CEBPD: variants seen among roughly 807,000 people sequenced by gnomAD.
The protein encoded by CEBPD is CCAAT/enhancer-binding protein delta.
For synonymous variants in CEBPD, 227 were observed against 194.8 expected, an observed-to-expected ratio of 1.17 and a Z score of -1.38; for missense variants, 410 against 409.4, an observed-to-expected ratio of 1.00 and a Z score of -0.01.
In CEBPD at chr8:47,737,653, G is replaced by C; in HGVS notation, c.468C>G (p.Thr156=). The C allele has an allele frequency of 7.9e-7, 1 of 1,268,632 alleles. No homozygotes were observed. The highest frequency in any genetic ancestry group is 9.9e-7 in the Non-Finnish European group (1 of 1,012,800). The allele number at this position is 1,268,632 out of a possible 1,614,324, so 78.6% of individuals were successfully genotyped here. A position where few individuals can be genotyped will look rare whatever the true frequency, so the allele number is the denominator to read the frequency against. ...VVSLAAAGQP[T]PPTSPEPPRS... ...GCGGCGGCTCCGGCGACGTGGGCGG[G>C]GTGGGCTGCCCTGCGGCCGCCAAGC... The change falls in exon 1 of 1, where the codon ACC becomes ACG. Residue 156 remains threonine, a synonymous_variant. Coordinates refer to ENST00000408965, the MANE Select transcript of CEBPD (RefSeq NM_005195.4).
Position 47,737,865 on chromosome 8 carries a change from A to G in CEBPD, c.256T>C (p.Phe86Leu). The G allele has an allele frequency of 6.6e-7, 1 of 1,507,822 alleles. No individual in the cohort carries two copies. The highest frequency in any genetic ancestry group is 1.4e-5 in the African/African-American group (1 of 69,478). 93.4% of individuals were successfully genotyped at this position (1,507,822 alleles called of 1,614,324 possible). A position where few individuals can be genotyped will look rare whatever the true frequency, so the allele number is the denominator to read the frequency against. The change falls in exon 1 of 1, where the codon TTC (phenylalanine) becomes CTC (leucine). Residue 86 changes from phenylalanine (F) to leucine (L), a missense_variant. Physicochemically the swap from Phe to Leu is conservative, Grantham distance 22 (BLOSUM62 0). Transcript: ENST00000408965. ...LCHDELFADL[F>L]NSNHKAGGAG... ...CCGCCCGCCTTGTGATTGCTGTTGA[A>G]GAGGTCGGCGAAGAGCTCGTCGTGG... is the stretch of plus-strand genomic sequence containing the variant.
chr8:47,738,147 C>G lies in CEBPD; in HGVS notation c.-27G>C, dbSNP rs1392612833. ...GCGGCGTCGGGCCGGGCTCTGCGTC[C>G]AAGCGAGGCTGTCACCTCGCTGGGC... On this transcript the variant is annotated 5_prime_UTR_variant, in exon 1 of 1. Coordinates refer to ENST00000408965, the MANE Select transcript of CEBPD (RefSeq NM_005195.4). The surrounding 1 kb of genome is among the most constrained non-coding windows in gnomAD (Gnocchi z 4.1). 48 of 1,162,194 alleles carry G rather than the reference C, an allele frequency of 4.1e-5. No homozygotes were observed. The highest frequency in any genetic ancestry group is 1.9e-4 in the Admixed American group (4 of 21,418). 72.0% of individuals were successfully genotyped at this position (1,162,194 alleles called of 1,614,324 possible).
rs1442408595 is a variant in CEBPD, at chr8:47,737,798, G to A, written c.323C>T (p.Pro108Leu). Residue 108 changes from proline (P) to leucine (L), a missense_variant, in exon 1 of 1, where the codon CCC becomes CTC. Physicochemically the swap from Pro to Leu is moderately conservative, Grantham distance 98. Transcript: ENST00000408965. ...LELLPGGPAR[P>L]LGPGPAAPRL... The stretch of plus-strand genomic sequence containing the variant: ...GGGAGCGGCAGGGCCCGGGCCCAAG[G>A]GGCGCGCGGGGCCGCCGGGAAGAAG... 3 of 1,341,012 alleles carry A rather than the reference G, an allele frequency of 2.2e-6. No homozygotes were observed. The highest frequency in any genetic ancestry group is 3.1e-5 in the African/African-American group (2 of 64,890). The allele number at this position is 1,341,012 out of a possible 1,614,324, so 83.1% of individuals were successfully genotyped here.
chr8:47,737,602 C>G lies in CEBPD; in HGVS notation c.519G>C (p.Ala173=), dbSNP rs781551832. The G allele has an allele frequency of 6.9e-7, 1 of 1,457,180 alleles. No homozygotes were observed. Among genetic ancestry groups the G allele is most frequent in the Non-Finnish European group, 9.0e-7 (1 of 1,110,412 alleles). The allele number at this position is 1,457,180 out of a possible 1,614,324, so 90.3% of individuals were successfully genotyped here. A position where few individuals can be genotyped will look rare whatever the true frequency, so the allele number is the denominator to read the frequency against. ...CGCTCTTCTCCCGGGCGGGGCCGGG[C>G]GCGGGGGTCTGCCTGGGGCTGCTGC... ...PPRSSPRQTP[A]PGPAREKSAG... The change falls in exon 1 of 1, where the codon GCG becomes GCC. Residue 173 remains alanine, a synonymous_variant. Coordinates refer to ENST00000408965, the MANE Select transcript of CEBPD (RefSeq NM_005195.4).
In CEBPD at chr8:47,736,981, G is replaced by C. The variant is rs2086260645; in HGVS notation, c.*330C>G. On this transcript the variant is annotated 3_prime_UTR_variant, in exon 1 of 1. Transcript: ENST00000408965. ...TAATATAAAAAAGTGAGCATGCTCA[G>C]TCTTTTCCTCTTATCTACAATACAA... 2 of 300,618 alleles carry C rather than the reference G, an allele frequency of 6.7e-6. No individual in the cohort carries two copies. Among genetic ancestry groups the C allele is most frequent in the Non-Finnish European group, 6.0e-6 (1 of 165,398 alleles). The allele number at this position is 300,618 out of a possible 1,614,324, so 18.6% of individuals were successfully genotyped here.
Position 47,737,251 on chromosome 8 carries a change from T to A in CEBPD, c.*60A>T. 1 of 1,448,500 alleles carries A rather than the reference T, an allele frequency of 6.9e-7. No individual in the cohort carries two copies. The highest frequency in any genetic ancestry group is 9.2e-7 in the Non-Finnish European group (1 of 1,091,024). 89.7% of individuals were successfully genotyped at this position (1,448,500 alleles called of 1,614,324 possible). A position where few individuals can be genotyped will look rare whatever the true frequency, so the allele number is the denominator to read the frequency against. ...TGCGCCAGGGCAGGGCGCGCTCCGCTCCGGGCCGTCGGGTCTGAGGTATGG... is the reference window on the plus strand; with the variant it reads ...TGCGCCAGGGCAGGGCGCGCTCCGCACCGGGCCGTCGGGTCTGAGGTATGG... On this transcript the variant is annotated 3_prime_UTR_variant, in exon 1 of 1. Coordinates refer to ENST00000408965, the MANE Select transcript of CEBPD (RefSeq NM_005195.4).
In CEBPD at chr8:47,736,995, T is replaced by C. The variant is rs980922286; in HGVS notation, c.*316A>G. On this transcript the variant is annotated 3_prime_UTR_variant, in exon 1 of 1. Transcript: ENST00000408965. ...GAGCATGCTCAGTCTTTTCCTCTTA[T>C]CTACAATACAAAGGGTTTGTCTGAA... is the stretch of plus-strand genomic sequence containing the variant. The C allele has an allele frequency of 1.8e-5, 6 of 326,998 alleles. No homozygotes were observed. Among genetic ancestry groups the C allele is most frequent in the East Asian group, 4.8e-5 (1 of 20,690 alleles). The allele number at this position is 326,998 out of a possible 1,614,324, so 20.3% of individuals were successfully genotyped here.
chr8:47,738,023 G>A lies in CEBPD; in HGVS notation c.98C>T (p.Pro33Leu), dbSNP rs1445195276. 10 of 1,312,932 alleles carry A rather than the reference G, an allele frequency of 7.6e-6. No homozygotes were observed. Among genetic ancestry groups the A allele is most frequent in the East Asian group, 3.2e-5 (1 of 31,598 alleles). 81.3% of individuals were successfully genotyped at this position (1,312,932 alleles called of 1,614,324 possible). ...GGCCCCTGGCTCGGCCCCGCGGCCCGGCTTGCCCGCCCGGCCCGGTTCGTA... is the reference window on the plus strand; with the variant it reads ...GGCCCCTGGCTCGGCCCCGCGGCCCAGCTTGCCCGCCCGGCCCGGTTCGTA... ...PFYEPGRAGK[P>L]GRGAEPGALG... is the part of the protein sequence containing the mutation. Residue 33 changes from proline to leucine, a missense_variant, in exon 1 of 1, where the codon CCG (proline) becomes CTG (leucine). Pro to Leu is a moderately conservative substitution (Grantham distance 98, BLOSUM62 -3). Transcript: ENST00000408965. This position sits in a 1 kb window ranked among gnomAD's most constrained non-coding sequence, Gnocchi z 4.1.
At position 47,737,284 on chromosome 8, in the gene CEBPD, C is replaced by T; in HGVS notation, c.*27G>A. On this transcript the variant is annotated 3_prime_UTR_variant, in exon 1 of 1. Transcript: ENST00000408965. ...GTCGGGTCTGAGGTATGGGTCGTTGCTGAGTCTCTCCCGCCCCGGCCGCGC... is the reference window on the plus strand; with the variant it reads ...GTCGGGTCTGAGGTATGGGTCGTTGTTGAGTCTCTCCCGCCCCGGCCGCGC... 1.3e-6 allele frequency: 2 copies of T among 1,563,246 alleles called. No individual in the cohort carries two copies. Among genetic ancestry groups the T allele is most frequent in the Non-Finnish European group, 1.7e-6 (2 of 1,156,332 alleles).
chr8:47,737,277 G>A lies in CEBPD; in HGVS notation c.*34C>T, dbSNP rs1398029953. 2 of 1,551,872 alleles carry A rather than the reference G, an allele frequency of 1.3e-6. No individual in the cohort carries two copies. The highest frequency in any genetic ancestry group is 1.7e-6 in the Non-Finnish European group (2 of 1,149,506). The stretch of plus-strand genomic sequence containing the variant: ...CCGGGCCGTCGGGTCTGAGGTATGG[G>A]TCGTTGCTGAGTCTCTCCCGCCCCG... On this transcript the variant is annotated 3_prime_UTR_variant, in exon 1 of 1. Transcript: ENST00000408965.
rs1375037543 is a variant in CEBPD at position 47,737,561 on chromosome 8, G to A, written c.560C>T (p.Pro187Leu). The A allele has an allele frequency of 6.4e-7, 1 of 1,574,746 alleles. No individual in the cohort carries two copies. Among genetic ancestry groups the A allele is most frequent in the Admixed American group, 1.8e-5 (1 of 56,412 alleles). ...CCGGTACTCGGGGCTGCCGCGGTCC[G>A]GGCCCCTCTTGCCGGCGCTCTTCTC... ...AREKSAGKRG[P>L]DRGSPEYRQR... The change falls in exon 1 of 1, where the codon CCG (proline) becomes CTG (leucine). Residue 187 changes from proline to leucine, a missense_variant. By Grantham distance (98) the Pro-to-Leu change is moderately conservative (BLOSUM62 -3). Coordinates refer to ENST00000408965, the MANE Select transcript of CEBPD (RefSeq NM_005195.4).
rs2086265260 is a variant in CEBPD, at chr8:47,737,215, G to A, written c.*96C>T. ...CCCAAGAAACTGCAGCGGGCACCCG[G>A]CGGCTCTGGCTGCGCCAGGGCAGGG... is the stretch of plus-strand genomic sequence containing the variant. On this transcript the variant is annotated 3_prime_UTR_variant, in exon 1 of 1. Transcript: ENST00000408965. 2 of 1,158,864 alleles carry A rather than the reference G, an allele frequency of 1.7e-6. No individual in the cohort carries two copies. Among genetic ancestry groups the A allele is most frequent in the Non-Finnish European group, 2.4e-6 (2 of 849,492 alleles). 71.8% of individuals were successfully genotyped at this position (1,158,864 alleles called of 1,614,324 possible). A position where few individuals can be genotyped will look rare whatever the true frequency, so the allele number is the denominator to read the frequency against.
At position 47,737,782 on chromosome 8, in the gene CEBPD, A is replaced by AGGGCCCGGGCCCAAGGGGCGCGCG; in HGVS notation, c.315_338dup (p.Arg107_Ala114dup). On this transcript the variant is annotated inframe_insertion, in exon 1 of 1. Transcript: ENST00000408965. Reference sequence around the variant, plus strand: ...CGCGCTTGAGCAGGCGGGGAGCGGCAGGGCCCGGGCCCAAGGGGCGCGCGG... The same window carrying AGGGCCCGGGCCCAAGGGGCGCGCG: ...CGCGCTTGAGCAGGCGGGGAGCGGCAGGGCCCGGGCCCAAGGGGCGCGCGGGGCCCGGGCCCAAGGGGCGCGCGG... The AGGGCCCGGGCCCAAGGGGCGCGCG allele has an allele frequency of 3.9e-6, 5 of 1,288,262 alleles. No homozygotes were observed. Among genetic ancestry groups the AGGGCCCGGGCCCAAGGGGCGCGCG allele is most frequent in the Non-Finnish European group, 4.9e-6 (5 of 1,021,152 alleles). 79.8% of individuals were successfully genotyped at this position (1,288,262 alleles called of 1,614,324 possible).
Position 47,737,723 on chromosome 8 carries a change from G to A in CEBPD, c.398C>T (p.Ser133Leu). ...CGCGGCCACCTGCGCGGGCAACAGC[G>A]AGCCGGGCGCGTCGCCGTCGCCCCA... Reference protein sequence around the residue: ...PDWGDGDAPGSLLPAQVAACA... With the variant: ...PDWGDGDAPGLLLPAQVAACA... The change falls in exon 1 of 1, where the codon TCG becomes TTG. Residue 133 changes from serine to leucine, a missense_variant. Ser to Leu is a moderately radical substitution (Grantham distance 145). Transcript: ENST00000408965. 1 of 1,212,716 alleles carries A rather than the reference G, an allele frequency of 8.2e-7. No individual in the cohort carries two copies. Among genetic ancestry groups the A allele is most frequent in the Non-Finnish European group, 1.0e-6 (1 of 977,512 alleles). The allele number at this position is 1,212,716 out of a possible 1,614,324, so 75.1% of individuals were successfully genotyped here. A position where few individuals can be genotyped will look rare whatever the true frequency, so the allele number is the denominator to read the frequency against.
rs1202956802 is a variant in CEBPD, at chr8:47,737,729, G to T, written c.392C>A (p.Pro131His). The change falls in exon 1 of 1, where the codon CCC (proline) becomes CAC (histidine). Residue 131 changes from proline (P) to histidine (H), a missense_variant. By Grantham distance (77) the Pro-to-His change is moderately conservative (BLOSUM62 -2). Coordinates refer to ENST00000408965, the MANE Select transcript of CEBPD (RefSeq NM_005195.4). ...REPDWGDGDA[P>H]GSLLPAQVAA... Reference sequence around the variant, plus strand: ...CACCTGCGCGGGCAACAGCGAGCCGGGCGCGTCGCCGTCGCCCCAGTCGGG... The same window carrying T: ...CACCTGCGCGGGCAACAGCGAGCCGTGCGCGTCGCCGTCGCCCCAGTCGGG... 4 of 1,213,734 alleles carry T rather than the reference G, an allele frequency of 3.3e-6. No individual in the cohort carries two copies. The highest frequency in any genetic ancestry group is 4.1e-6 in the Non-Finnish European group (4 of 978,266). The allele number at this position is 1,213,734 out of a possible 1,614,324, so 75.2% of individuals were successfully genotyped here.
chr8:47,737,481 G>T lies in CEBPD; in HGVS notation c.640C>A (p.Arg214=), dbSNP rs779011097. 1 of 1,608,840 alleles carries T rather than the reference G, an allele frequency of 6.2e-7. No individual in the cohort carries two copies. Reference sequence around the variant, plus strand: ...TTCTGCTGCATCTCCTGGTTGCGCCGCTTGGCCTTGTCGCGGCTCTTGCGC... The same window carrying T: ...TTCTGCTGCATCTCCTGGTTGCGCCTCTTGGCCTTGTCGCGGCTCTTGCGC... ...AVRKSRDKAK[R]RNQEMQQKLV... is the part of the protein sequence containing the mutation. The change falls in exon 1 of 1, where the codon CGG becomes AGG. Residue 214 remains arginine (R), a synonymous_variant. Coordinates refer to ENST00000408965, the MANE Select transcript of CEBPD (RefSeq NM_005195.4).
At position 47,737,335 on chromosome 8, in the gene CEBPD, G is replaced by A. The variant is rs761441693; in HGVS notation, c.786C>T (p.Ala262=). 1.9e-6 allele frequency: 3 copies of A among 1,594,554 alleles called. No homozygotes were observed. Among genetic ancestry groups the A allele is most frequent in the East Asian group, 4.6e-5 (2 of 43,036 alleles). ...KQLPSPPFLP[A]AGTADCR is the part of the protein sequence containing the mutation. The stretch of plus-strand genomic sequence containing the variant: ...GTTACCGGCAGTCTGCTGTCCCGGC[G>A]GCCGGCAGGAAGGGCGGGCTGGGCA... The change falls in exon 1 of 1, where the codon GCC becomes GCT. Residue 262 remains alanine, a synonymous_variant. Transcript: ENST00000408965.
rs1487127184 is a variant in CEBPD, at chr8:47,737,743, GC to G, written c.377del (p.Gly126AlafsTer22). 1 of 1,218,300 alleles carries G rather than the reference GC, an allele frequency of 8.2e-7. No individual in the cohort carries two copies. Among genetic ancestry groups the G allele is most frequent in the Non-Finnish European group, 1.0e-6 (1 of 981,128 alleles). 75.5% of individuals were successfully genotyped at this position (1,218,300 alleles called of 1,614,324 possible). Reference sequence around the variant, plus strand: ...ACAGCGAGCCGGGCGCGTCGCCGTCGCCCCAGTCGGGCTCGCGCTTGAGCAG... The same window carrying G: ...ACAGCGAGCCGGGCGCGTCGCCGTCGCCCAGTCGGGCTCGCGCTTGAGCAG... Reference protein sequence around the residue: ...PRLLKREPDWGDGDAPGSLLP... With the variant: ...PRLLKREPDWXDGDAPGSLLP... On this transcript the variant is annotated frameshift_variant, in exon 1 of 1. Coordinates refer to ENST00000408965, the MANE Select transcript of CEBPD (RefSeq NM_005195.4). LOFTEE classifies it low-confidence loss of function (END_TRUNC).
At position 47,737,630 on chromosome 8, in the gene CEBPD, G is replaced by C. The variant is rs973201486; in HGVS notation, c.491C>G (p.Pro164Arg). The C allele has an allele frequency of 3.9e-6, 5 of 1,286,796 alleles. No individual in the cohort carries two copies. The highest frequency in any genetic ancestry group is 3.9e-6 in the Non-Finnish European group (4 of 1,022,816). 79.7% of individuals were successfully genotyped at this position (1,286,796 alleles called of 1,614,324 possible). A position where few individuals can be genotyped will look rare whatever the true frequency, so the allele number is the denominator to read the frequency against. ...QPTPPTSPEP[P>R]RSSPRQTPAP... ...GGGGGTCTGCCTGGGGCTGCTGCGC[G>C]GCGGCTCCGGCGACGTGGGCGGGGT... Residue 164 changes from proline (P) to arginine (R), a missense_variant, in exon 1 of 1, where the codon CCG (proline) becomes CGG (arginine). Physicochemically the swap from Pro to Arg is moderately radical, Grantham distance 103. Transcript: ENST00000408965.
Sources: gnomAD v4.1 joint callset for allele counts on GRCh38, gnomAD v4.1.1 for gene constraint, Gnocchi (gnomAD v3.1) non-coding constraint, MANE v1.5 for transcripts, NCBI Gene and HGNC (gene_info 2026-07-23, HGNC 2026-07-21) for gene names.